Variants in FAT3 observed in about 807,000 individuals in gnomAD.
The protein encoded by FAT3 is protocadherin Fat 3.
Under a neutral mutation model 310.2 loss-of-function variants are expected in FAT3, and 95 were observed. That is an observed-to-expected ratio of 0.31 (90% CI 0.26 to 0.36). The LOEUF (loss-of-function observed/expected upper bound fraction) is 0.36. Ranked by LOEUF, FAT3 falls within the 10% of genes least tolerant of loss-of-function variation. FAT3 has a pLI of 1.00. For synonymous variants in FAT3, 2,314 were observed against 2,192.9 expected (o/e 1.06, Z -1.54); for missense variants, 5,408 against 5,715.6 (o/e 0.95, Z 1.74).
chr11:92,628,249 T>C (rs938491237), intron 3 of FAT3, among the ~76,000 whole-genome samples: 1 of 152,240 alleles, frequency 6.6e-6, no homozygotes, highest in Non-Finnish European at 1.5e-5. Flanking sequence ...TTTTGTCTTA[T>C]GTTCACTAGG....
At chr11:92,357,572 A>G (rs1948766545) in intron 2 of FAT3, among the ~76,000 whole-genome samples, 1 of 152,138 alleles carries the variant, frequency 6.6e-6, no homozygotes, top group Non-Finnish European at 1.5e-5. Context: ...CCAGTGATGA[A>G]CTTAGCTTTG....
chr11:92,337,476 G>T (rs772597713), intron 1 of FAT3, among the ~76,000 whole-genome samples: 1 of 152,192 alleles, frequency 6.6e-6, no homozygotes, highest in Non-Finnish European at 1.5e-5. Context: ...TCATTGCCCA[G>T]GCTGGAGTGC....
intron 3 of FAT3, among the ~76,000 whole-genome samples, chr11:92,567,545 C>G (rs898180966): frequency 1.4e-3 from 209 of 151,384 alleles, no homozygotes; most frequent in African/African-American, 4.9e-3. Flanking sequence ...GGTATATACC[C>G]AAAGGACTAT....
At chr11:92,486,523 A>G (rs1591356139) in intron 2 of FAT3, among the ~76,000 whole-genome samples, 2 of 152,110 alleles carry the variant, frequency 1.3e-5, no homozygotes, top group Non-Finnish European at 2.9e-5. Context: ...TCTATAAAGC[A>G]TTTATTTGTG....
intron 21 of FAT3, among the ~76,000 whole-genome samples, chr11:92,859,751 G>GGAGATT (rs1345957945): frequency 6.6e-6 from 1 of 152,178 alleles, no homozygotes; most frequent in Non-Finnish European, 1.5e-5. Flanking sequence ...AGGGGGTATA[G>GGAGATT]GAGATTTCGT....
chr11:92,783,446 A>G (rs1202829471), intron 7 of FAT3, among the ~76,000 whole-genome samples: 1 of 150,928 alleles, frequency 6.6e-6, no homozygotes, highest in African/African-American at 2.4e-5. Context: ...ACAAATGTAT[A>G]TAGATAAAAT....
At chr11:92,765,788 G>GA (rs1037998937) in intron 6 of FAT3, among the ~76,000 whole-genome samples, 16 of 45,874 alleles carry the variant, frequency 3.5e-4, no homozygotes, top group African/African-American at 9.4e-4. Flanking sequence ...GATTTTTTTT[G>GA]AGGGGGGGGT....
chr11:92,393,841 G>T (rs1289530123), intron 2 of FAT3, among the ~76,000 whole-genome samples: 1 of 152,272 alleles, frequency 6.6e-6, no homozygotes, highest in Non-Finnish European at 1.5e-5. Flanking sequence ...TTAACTTCTG[G>T]TCAGGGAGGG....
At chr11:92,810,374 A>G (rs1339194252) in intron 13 of FAT3, among the ~76,000 whole-genome samples, 2 of 152,052 alleles carry the variant, frequency 1.3e-5, no homozygotes, top group Non-Finnish European at 2.9e-5. Flanking sequence ...TTAGATTTTG[A>G]CCTTTTGAAT....
chr11:92,396,655 C>T (rs760227027), intron 2 of FAT3, among the ~76,000 whole-genome samples: 8 of 152,122 alleles, frequency 5.3e-5, no homozygotes, highest in Admixed American at 3.9e-4. Flanking sequence ...CTCATCATAC[C>T]GTTCTTAGTA....
chr11:92,774,412 G>A (rs192721375), intron 7 of FAT3, among the ~76,000 whole-genome samples: 19 of 152,306 alleles, frequency 1.2e-4, no homozygotes, highest in African/African-American at 3.1e-4. Flanking sequence ...AAAATAATGC[G>A]TGTTTCTTTC....
chr11:92,471,327 A>G (rs1951897118), intron 2 of FAT3, among the ~76,000 whole-genome samples: 1 of 152,206 alleles, frequency 6.6e-6, no homozygotes, highest in Non-Finnish European at 1.5e-5. Context: ...TCTTAACAAA[A>G]TATTAGTGTT....
chr11:92,420,278 A>G (rs967686354), intron 2 of FAT3, among the ~76,000 whole-genome samples: 15 of 152,232 alleles, frequency 9.9e-5, no homozygotes, highest in African/African-American at 3.6e-4. Flanking sequence ...TATGGATGAT[A>G]ATTATAAATC....
In FAT3 at chr11:92,790,002, C is replaced by T. The variant is rs777271764; in HGVS notation, c.4395C>T (p.Tyr1465=). ...DNGPEFSQPN[Y]DVTISEDVLP... is the part of the protein sequence containing the mutation. Reference sequence around the variant, plus strand: ...GCCCAGAATTCTCTCAGCCGAATTACGATGTGACAATTTCCGAGGATGTGC... The same window carrying T: ...GCCCAGAATTCTCTCAGCCGAATTATGATGTGACAATTTCCGAGGATGTGC... The change falls in exon 8 of 28, where the codon TAC becomes TAT. Residue 1465 remains tyrosine, a synonymous_variant. Coordinates refer to ENST00000525166, the MANE Select transcript of FAT3 (RefSeq NM_001367949.2). The T allele has an allele frequency of 3.3e-5, 54 of 1,613,670 alleles. No individual in the cohort carries two copies. The highest frequency in any genetic ancestry group is 2.9e-4 in the East Asian group (13 of 44,892).
intron 2 of FAT3, among the ~76,000 whole-genome samples, chr11:92,400,873 G>A (rs1949998588): frequency 6.6e-6 from 1 of 151,942 alleles, no homozygotes; most frequent in South Asian, 2.1e-4. Context: ...TACTCACTAA[G>A]AGAATACCAT....
At chr11:92,554,634 A>G (rs972095420) in intron 3 of FAT3, among the ~76,000 whole-genome samples, 2 of 152,094 alleles carry the variant, frequency 1.3e-5, no homozygotes, top group African/African-American at 2.4e-5. Context: ...TCTAATACCA[A>G]TTTTGATCTC....
intron 2 of FAT3, among the ~76,000 whole-genome samples, chr11:92,375,129 T>C (rs1229358195): frequency 6.6e-6 from 1 of 152,038 alleles, no homozygotes; most frequent in African/African-American, 2.4e-5. Context: ...TATTATATAA[T>C]TGGATTTTTC....
intron 1 of FAT3, among the ~76,000 whole-genome samples, chr11:92,270,599 T>C (rs1946097787): frequency 6.6e-6 from 1 of 151,878 alleles, no homozygotes; most frequent in African/African-American, 2.4e-5. Context: ...GACAGGAGAA[T>C]CACTTGAACC....
chr11:92,413,068 T>A (rs1026329753), intron 2 of FAT3, among the ~76,000 whole-genome samples: 2 of 152,124 alleles, frequency 1.3e-5, no homozygotes, highest in African/African-American at 4.8e-5. Context: ...TTCACTGAGC[T>A]AAAAATCCTG....
Sources: allele counts gnomAD v4.1 joint callset (sites outside exome capture counted in the v4.1 genomes callset), GRCh38; gene constraint gnomAD v4.1.1; transcripts MANE v1.5; gene names NCBI Gene and HGNC (gene_info 2026-07-23, HGNC 2026-07-21).